NAALADL2: variants seen among roughly 807,000 people sequenced by gnomAD.
The protein encoded by NAALADL2 is inactive N-acetylated-alpha-linked acidic dipeptidase-like protein 2.
In NAALADL2, 76 loss-of-function variants were observed where a neutral mutation model predicts 87.2. The ratio of observed to expected loss-of-function variants is 0.87; its 90% CI spans 0.72 to 1.05. The LOEUF is 1.05. NAALADL2 is among the 50% of genes least tolerant of loss of function. The probability of loss-of-function intolerance (pLI) is 0.00; values close to 1 mark genes in which losing one functional copy is unlikely to be tolerated. For missense variants in NAALADL2, 1,089 were observed against 945.8 expected (o/e 1.15, Z -1.99); for synonymous variants, 354 against 331.0 (o/e 1.07, Z -0.75).
intron 1 of NAALADL2, among the ~76,000 whole-genome samples, chr3:174,910,127 T>A (rs1049035393): frequency 6.6e-6 from 1 of 151,942 alleles, no homozygotes; most frequent in Admixed American, 6.6e-5. Context: ...TTTTTAGAGA[T>A]TGGCTTTAAG....
intron 3 of NAALADL2, among the ~76,000 whole-genome samples, chr3:174,766,132 CTT>C (rs1156880521): frequency 6.6e-6 from 1 of 152,196 alleles, no homozygotes; most frequent in Non-Finnish European, 1.5e-5. Flanking sequence ...GGGAATGCCT[CTT>C]TATACCACCT....
intron 10 of NAALADL2, among the ~76,000 whole-genome samples, chr3:175,604,347 T>C (rs1723386293): frequency 6.9e-6 from 1 of 144,020 alleles, no homozygotes; most frequent in South Asian, 2.3e-4. Context: ...TGTGTTGCCC[T>C]GGCTGGAGTA....
intron 1 of NAALADL2, among the ~76,000 whole-genome samples, chr3:174,955,833 T>G (rs1485002960): frequency 6.6e-6 from 1 of 152,052 alleles, no homozygotes; most frequent in Non-Finnish European, 1.5e-5. Flanking sequence ...TAGGCCTCGC[T>G]GGGGTGGGGC....
At chr3:174,702,711 ATTGT>A (rs996910640) in intron 2 of NAALADL2, among the ~76,000 whole-genome samples, 8 of 152,186 alleles carry the variant, frequency 5.3e-5, no homozygotes, top group African/African-American at 1.9e-4. Context: ...CACAATGGTA[ATTGT>A]TTGTGTATCT....
At chr3:174,848,075 G>A (rs961239760) in intron 3 of NAALADL2, among the ~76,000 whole-genome samples, 3 of 149,264 alleles carry the variant, frequency 2.0e-5, no homozygotes, top group African/African-American at 5.0e-5. Flanking sequence ...AAAATCTATG[G>A]TTTCAATCAA....
intron 1 of NAALADL2, among the ~76,000 whole-genome samples, chr3:174,902,926 A>G (rs543692067): frequency 6.6e-6 from 1 of 152,144 alleles, no homozygotes; most frequent in Non-Finnish European, 1.5e-5. Flanking sequence ...TTGAGCGCTT[A>G]GGCTGAGGAA....
At chr3:175,637,590 C>T (rs1436753346) in intron 11 of NAALADL2, among the ~76,000 whole-genome samples, 1 of 152,120 alleles carries the variant, frequency 6.6e-6, no homozygotes, top group Admixed American at 6.5e-5. Context: ...CCAGTCCCCT[C>T]TTGCTCTCTT....
intron 1 of NAALADL2, among the ~76,000 whole-genome samples, chr3:174,975,041 T>C (rs982897347): frequency 6.6e-6 from 1 of 152,160 alleles, no homozygotes; most frequent in African/African-American, 2.4e-5. Flanking sequence ...TAAAGTAAAA[T>C]TATTTGCCAG....
chr3:175,760,162 C>T (rs150245430), intron 13 of NAALADL2, among the ~76,000 whole-genome samples: 3 of 152,200 alleles, frequency 2.0e-5, no homozygotes, highest in East Asian at 1.9e-4. Context: ...CTAAGAGTCT[C>T]GTTGCAGGTT....
chr3:175,196,680 T>C (rs1739059894), intron 2 of NAALADL2, among the ~76,000 whole-genome samples: 2 of 151,968 alleles, frequency 1.3e-5, no homozygotes. Context: ...AGTTGCATTT[T>C]TAGTATGAGG....
At chr3:174,857,253 C>T (rs1301619869), upstream of NAALADL2, among the ~76,000 whole-genome samples, 1 of 152,082 alleles carries the variant, frequency 6.6e-6, no homozygotes, top group Non-Finnish European at 1.5e-5. Context: ...CACAAAGACC[C>T]AGAAGGAGAA....
intron 1 of NAALADL2, among the ~76,000 whole-genome samples, chr3:174,485,992 G>T (rs1028691786): frequency 6.6e-6 from 1 of 151,910 alleles, no homozygotes; most frequent in African/African-American, 2.4e-5. Flanking sequence ...GAATAGGGGT[G>T]ATTACTCAAA....
chr3:174,781,607 G>T (rs1715987482), intron 3 of NAALADL2, among the ~76,000 whole-genome samples: 1 of 152,010 alleles, frequency 6.6e-6, no homozygotes, highest in African/African-American at 2.4e-5. Context: ...GGTGATTTTA[G>T]AAGGATGGAT....
intron 1 of NAALADL2, among the ~76,000 whole-genome samples, chr3:174,533,258 G>A (rs983493432): frequency 6.6e-6 from 1 of 151,776 alleles, no homozygotes; most frequent in Non-Finnish European, 1.5e-5. Context: ...GACTGGCCAA[G>A]GAGGCACCCC....
At chr3:175,635,186 A>G (rs964189513) in intron 11 of NAALADL2, among the ~76,000 whole-genome samples, 3 of 152,106 alleles carry the variant, frequency 2.0e-5, no homozygotes, top group African/African-American at 7.2e-5. Context: ...GAACAAATAT[A>G]ATTTGTAAAG....
chr3:175,480,148 G>A (rs1485802596), intron 9 of NAALADL2, among the ~76,000 whole-genome samples: 4 of 151,694 alleles, frequency 2.6e-5, no homozygotes, highest in South Asian at 2.1e-4. Flanking sequence ...ATTTCTAGGT[G>A]CCTCTGGTTT....
intron 13 of NAALADL2, chr3:175,767,649 G>A (rs1559989342): frequency 6.6e-6 from 1 of 152,042 alleles, no homozygotes; most frequent in Non-Finnish European, 1.5e-5. Context: ...TTCATGAAGT[G>A]TTCCATATTA....
At chr3:175,609,021 A>C (rs1473266718) in intron 10 of NAALADL2, among the ~76,000 whole-genome samples, 1 of 150,896 alleles carries the variant, frequency 6.6e-6, no homozygotes, top group South Asian at 2.1e-4. Context: ...TAGTAGTAGT[A>C]ATTGTTTGTA....
chr3:174,738,173 G>A (rs1008297215), intron 3 of NAALADL2, among the ~76,000 whole-genome samples: 1 of 152,140 alleles, frequency 6.6e-6, no homozygotes, highest in Non-Finnish European at 1.5e-5. Flanking sequence ...TTTATTCCAA[G>A]TTCATACAGA....
Sources: allele counts gnomAD v4.1 joint callset (sites outside exome capture counted in the v4.1 genomes callset), GRCh38; gene constraint gnomAD v4.1.1; transcripts MANE v1.5; gene names NCBI Gene and HGNC (gene_info 2026-07-23, HGNC 2026-07-21).